DCC: variants seen among roughly 807,000 people sequenced by gnomAD.
DCC encodes the protein DCC netrin 1 receptor.
DCC carries 58 observed loss-of-function variants against 172.5 expected under a neutral mutation model. The ratio of observed to expected loss-of-function variants is 0.34; its 90% CI spans 0.27 to 0.42. DCC has a LOEUF of 0.42. Among genes scored for constraint, DCC ranks in the 10% least tolerant of loss-of-function variants. DCC has a pLI of 1.00. For missense variants in DCC, 1,740 were observed against 1,791.0 expected (o/e 0.97, Z 0.51); for synonymous variants, 709 against 644.5 (o/e 1.10, Z -1.52).
chr18:52,815,557 C>T (rs1339635067), intron 2 of DCC, among the ~76,000 whole-genome samples: 1 of 152,246 alleles, frequency 6.6e-6, no homozygotes, highest in East Asian at 1.9e-4. Flanking sequence ...AGTTTGCTGA[C>T]ACCTTCAACT....
intron 21 of DCC, among the ~76,000 whole-genome samples, chr18:53,430,299 T>C (rs1401795868): frequency 6.6e-6 from 1 of 152,136 alleles, no homozygotes; most frequent in African/African-American, 2.4e-5. Context: ...AATACGTTTT[T>C]CTCTAGGGAT....
chr18:52,753,813 T>C (rs919504464), intron 2 of DCC, among the ~76,000 whole-genome samples: 2 of 152,204 alleles, frequency 1.3e-5, no homozygotes, highest in African/African-American at 4.8e-5. Flanking sequence ...TCATAATTAT[T>C]TCTGTTGGCC....
intron 7 of DCC, 28 bp downstream of exon 7, chr18:53,066,194 AC>A: frequency 6.2e-7 from 1 of 1,607,578 alleles, no homozygotes; most frequent in Non-Finnish European, 8.5e-7. Context: ...TTGCTTTGGT[AC>A]CTGGAATGAA....
chr18:53,243,991 G>A (rs1468733061), intron 12 of DCC, among the ~76,000 whole-genome samples: 2 of 152,070 alleles, frequency 1.3e-5, no homozygotes, highest in Non-Finnish European at 2.9e-5. Context: ...CAGCAGATAG[G>A]TTCCCAGATG....
At chr18:53,236,104 A>G (rs1396981502) in intron 12 of DCC, among the ~76,000 whole-genome samples, 1 of 152,004 alleles carries the variant, frequency 6.6e-6, no homozygotes, top group Non-Finnish European at 1.5e-5. Context: ...GATATTTAGA[A>G]GTAAAACTAC....
intron 1 of DCC, among the ~76,000 whole-genome samples, chr18:52,609,252 G>A (rs376498372): frequency 1.3e-5 from 2 of 152,064 alleles, no homozygotes; most frequent in East Asian, 1.9e-4. Context: ...AGGAACAACC[G>A]ATCAGAGAGT....
At chr18:53,511,396 C>T (rs1334659187) in intron 27 of DCC, among the ~76,000 whole-genome samples, 5 of 152,200 alleles carry the variant, frequency 3.3e-5, no homozygotes, top group Non-Finnish European at 5.9e-5. Flanking sequence ...GGAGTCAGGC[C>T]TTGCCTTGTT....
intron 8 of DCC, among the ~76,000 whole-genome samples, chr18:53,158,825 C>T (rs1311957723): frequency 1.3e-5 from 2 of 151,624 alleles, no homozygotes; most frequent in East Asian, 1.9e-4. Context: ...AACCCTGTCT[C>T]TTCTAAAAAT....
intron 9 of DCC, among the ~76,000 whole-genome samples, chr18:53,186,142 G>GGT (rs1460505530): frequency 6.6e-6 from 1 of 151,938 alleles, no homozygotes; most frequent in African/African-American, 2.4e-5. Context: ...TTCTTCAGTT[G>GGT]GTATAACCAA....
chr18:52,531,633 T>C (rs968967050), intron 1 of DCC, among the ~76,000 whole-genome samples: 4 of 152,164 alleles, frequency 2.6e-5, no homozygotes, highest in South Asian at 4.1e-4. Context: ...CTGGTCTCCA[T>C]AGTTTTAATG....
intron 14 of DCC, among the ~76,000 whole-genome samples, chr18:53,325,640 A>T (rs143297337): frequency 9.2e-5 from 14 of 152,348 alleles, no homozygotes; most frequent in African/African-American, 3.4e-4. Context: ...TGCCATGCTC[A>T]TGAGAGTCTT....
rs1331437715 is a variant in DCC, at chr18:53,132,382, A to G, written c.1262-24974A>G. On this transcript the variant is annotated intron_variant, in intron 7 of 28. Transcript: ENST00000442544. ...ACCTGAGCTGCTGTAGGCTTGCTCC[A>G]GCACACTGCGGAAGCTATCAGACAT... Among the ~76,000 whole-genome samples, 3 of 152,230 alleles carry G rather than the reference A, an allele frequency of 2.0e-5. No homozygotes were observed. The East Asian group carries it at 5.8e-4, about 30-fold the overall frequency.
intron 1 of DCC, among the ~76,000 whole-genome samples, chr18:52,375,119 G>A (rs1405252324): frequency 6.6e-6 from 1 of 152,190 alleles, no homozygotes; most frequent in East Asian, 1.9e-4. Flanking sequence ...ACAAAAGAAT[G>A]TGTTAGGACT....
chr18:53,212,383 T>C (rs1334645334), intron 11 of DCC, among the ~76,000 whole-genome samples: 3 of 152,118 alleles, frequency 2.0e-5, no homozygotes, highest in Non-Finnish European at 4.4e-5. Flanking sequence ...GAACAATCGA[T>C]ATGGATTCTC....
Position 52,743,803 on chromosome 18 carries a change from T to A in DCC, c.92-8251T>A, listed in dbSNP as rs184286910. Among the ~76,000 whole-genome samples, 563 of 152,310 alleles carry A rather than the reference T, an allele frequency of 3.7e-3. 12 individuals are homozygous for A. Among genetic ancestry groups the A allele is most frequent in the Admixed American group, 0.033 (510 of 15,302 alleles). On this transcript the variant is annotated intron_variant, in intron 1 of 28. Coordinates refer to ENST00000442544, the MANE Select transcript of DCC (RefSeq NM_005215.4). ...GTGAACTCCACATCTTACCTTTATA[T>A]TTCCAAATTTAGTTCCCTGTAAAGG...
chr18:52,961,075 T>G (rs1184405759), intron 5 of DCC, among the ~76,000 whole-genome samples: 2 of 152,120 alleles, frequency 1.3e-5, no homozygotes, highest in Non-Finnish European at 2.9e-5. Flanking sequence ...TTACTAAATA[T>G]TTGAAATTCT....
intron 1 of DCC, among the ~76,000 whole-genome samples, chr18:52,572,627 G>A (rs1403901129): frequency 2.0e-5 from 3 of 152,158 alleles, no homozygotes; most frequent in Non-Finnish European, 4.4e-5. Context: ...AAGGGGGAGA[G>A]GGAGTGGGGC....
rs1191484483 is a variant in DCC at position 53,517,354 on chromosome 18, C to T, written c.4112-9263C>T. Among the ~76,000 whole-genome samples the T allele has an allele frequency of 2.2e-4, 34 of 151,670 alleles. No homozygotes were observed. The East Asian group carries it at 4.3e-3, about 19-fold the overall frequency. On this transcript the variant is annotated intron_variant, in intron 27 of 28. Transcript: ENST00000442544. Reference sequence around the variant, plus strand: ...GGGAGATATACCTAATGCTAGATGACGAGTTAGTGGGTGCAGCGCACCAGC... The same window carrying T: ...GGGAGATATACCTAATGCTAGATGATGAGTTAGTGGGTGCAGCGCACCAGC...
At position 52,711,886 on chromosome 18, in the gene DCC, AC is replaced by A. The variant is rs2036297769; in HGVS notation, c.92-40167del. Among the ~76,000 whole-genome samples the A allele has an allele frequency of 2.6e-5, 4 of 152,300 alleles. No homozygotes were observed. In the South Asian group the frequency reaches 8.3e-4, roughly 32 times the overall value. On this transcript the variant is annotated intron_variant, in intron 1 of 28. Coordinates refer to ENST00000442544, the MANE Select transcript of DCC (RefSeq NM_005215.4). ...TGACTTTTCTGTATCTCCAACTAGA[AC>A]AAACCACTTTCTATGTGTACATTTG...
Sources: gnomAD v4.1 joint callset for allele counts (sites outside exome capture counted in the v4.1 genomes callset) on GRCh38, gnomAD v4.1.1 for gene constraint, MANE v1.5 for transcripts, NCBI Gene and HGNC (gene_info 2026-07-23, HGNC 2026-07-21) for gene names.